PI4K2B: variants seen among roughly 807,000 people sequenced by gnomAD.
PI4K2B encodes the protein phosphatidylinositol 4-kinase type 2 beta, also known as phosphatidylinositol 4-kinase type 2-beta.
In PI4K2B, 46 loss-of-function variants were observed where a neutral mutation model predicts 56.6. That is an observed-to-expected ratio of 0.81 (90% CI 0.64 to 1.04). PI4K2B has a LOEUF of 1.04. PI4K2B is among the 50% of genes least tolerant of loss of function. The pLI is 0.00. For synonymous variants in PI4K2B, 211 were observed against 223.8 expected, an observed-to-expected ratio of 0.94 and a Z score of 0.51; for missense variants, 556 against 607.7, an observed-to-expected ratio of 0.91 and a Z score of 0.89.
intron 9 of PI4K2B, chr4:25,276,586 A>G (rs1717103799): frequency 3.4e-6 from 3 of 870,610 alleles, no homozygotes; most frequent in Non-Finnish European, 4.1e-6. Context: ...CGCACATAGT[A>G]GGCATACAAT....
intron 9 of PI4K2B, among the ~76,000 whole-genome samples, chr4:25,270,923 C>T (rs1299710789): frequency 6.6e-6 from 1 of 152,096 alleles, no homozygotes; most frequent in African/African-American, 2.4e-5. Flanking sequence ...AGTACAAGTC[C>T]ATATAATTAC....
intron 5 of PI4K2B, among the ~76,000 whole-genome samples, chr4:25,260,314 C>T (rs955133427): frequency 4.6e-5 from 7 of 150,546 alleles, no homozygotes; most frequent in Non-Finnish European, 7.4e-5. Context: ...AAAACAATGT[C>T]GGCCCAGAGA....
rs752170700 is a variant in PI4K2B at position 25,234,382 on chromosome 4, C to T, written c.219C>T (p.Val73=). ...ELPLPPGDVG[V]SRSSSAELDR... ...CCCTCCCGCCCGGGGACGTGGGGGT[C>T]TCCCGGAGTTCGTCCGCCGAGCTGG... The change falls in exon 1 of 10, where the codon GTC becomes GTT. Residue 73 remains valine (V), a synonymous_variant. Transcript: ENST00000264864. 39 of 1,402,158 alleles carry T rather than the reference C, an allele frequency of 2.8e-5. No individual in the cohort carries two copies. In the Admixed American group the frequency reaches 1.0e-3, roughly 37 times the overall value. The allele number at this position is 1,402,158 out of a possible 1,614,324, so 86.9% of individuals were successfully genotyped here.
At chr4:25,258,246 C>T (rs1159522530) in intron 4 of PI4K2B, among the ~76,000 whole-genome samples, 7 of 122,020 alleles carry the variant, frequency 5.7e-5, no homozygotes, top group African/African-American at 1.2e-4. Context: ...CTCGCTGTGT[C>T]GCCTAGGTTG....
At chr4:25,271,250 T>C (rs1233358778) in intron 9 of PI4K2B, among the ~76,000 whole-genome samples, 1 of 152,162 alleles carries the variant, frequency 6.6e-6, no homozygotes, top group Non-Finnish European at 1.5e-5. Context: ...AAGGAAAGGA[T>C]TGGAGCAGTT....
intron 1 of PI4K2B, among the ~76,000 whole-genome samples, chr4:25,238,476 A>T (rs1715361776): frequency 6.6e-6 from 1 of 152,198 alleles, no homozygotes; most frequent in Non-Finnish European, 1.5e-5. Flanking sequence ...GACTTCAAGA[A>T]TGAAGCCATG....
chr4:25,253,085 G>C (rs1341379936), intron 2 of PI4K2B, among the ~76,000 whole-genome samples: 1 of 152,234 alleles, frequency 6.6e-6, no homozygotes, highest in Non-Finnish European at 1.5e-5. Context: ...TCTTATGGAA[G>C]TCTATAACCT....
chr4:25,261,009 G>A (rs977146697), intron 6 of PI4K2B, among the ~76,000 whole-genome samples: 1 of 151,324 alleles, frequency 6.6e-6, no homozygotes, highest in Non-Finnish European at 1.5e-5. Flanking sequence ...CACCCAGCCA[G>A]TTCTGTTTTT....
rs1003319393 is a variant in PI4K2B at position 25,234,045 on chromosome 4, G to T, written c.-119G>T. ...CTGGGCGGGCGCCAAGCGTGCCCGT[G>T]CGCTGGTGAGGTGGCGTCCGTTCTA... On this transcript the variant is annotated 5_prime_UTR_variant, in exon 1 of 10. Coordinates refer to ENST00000264864, the MANE Select transcript of PI4K2B (RefSeq NM_018323.4). The T allele has an allele frequency of 4.5e-5, 40 of 891,050 alleles. No individual in the cohort carries two copies. The highest frequency in any genetic ancestry group is 3.7e-4 in the East Asian group (11 of 30,042). The allele number at this position is 891,050 out of a possible 1,614,324, so 55.2% of individuals were successfully genotyped here.
rs553664929 is a variant in PI4K2B at position 25,265,472 on chromosome 4, T to C, written c.1078+1623T>C. 7.9e-5 allele frequency among the ~76,000 whole-genome samples: 12 copies of C among 152,334 alleles called. No individual in the cohort carries two copies. In the South Asian group the frequency reaches 1.4e-3, roughly 18 times the overall value. ...TCCTATTATGTTCATGCTATATCGC[T>C]TTCCTATAAATGCATATTAGGCCTC... On this transcript the variant is annotated intron_variant, in intron 7 of 9. Coordinates refer to ENST00000264864, the MANE Select transcript of PI4K2B (RefSeq NM_018323.4).
At chr4:25,239,589 A>G (rs1170523554) in intron 1 of PI4K2B, among the ~76,000 whole-genome samples, 2 of 152,036 alleles carry the variant, frequency 1.3e-5, no homozygotes, top group African/African-American at 4.8e-5. Context: ...GCCACACGCA[A>G]CCCCAGTTCC....
intron 6 of PI4K2B, among the ~76,000 whole-genome samples, chr4:25,262,292 G>A (rs558940468): frequency 6.6e-6 from 1 of 152,264 alleles, no homozygotes; most frequent in African/African-American, 2.4e-5. Context: ...AGTGAGTTGT[G>A]GTTGTGCCTC....
intron 7 of PI4K2B, among the ~76,000 whole-genome samples, chr4:25,265,198 C>CAAAAAAAAAAAAAAAAAAAAAAAAA (rs71188933): frequency 3.1e-5 from 2 of 65,408 alleles, no homozygotes; most frequent in Non-Finnish European, 5.1e-5. Flanking sequence ...TCTGTCTCAC[C>CAAAAAAAAAAAAAAAAAAAAAAAAA]AAAAAAAAAA....
intron 1 of PI4K2B, among the ~76,000 whole-genome samples, chr4:25,246,836 C>T (rs1272932141): frequency 5.3e-5 from 8 of 152,220 alleles, no homozygotes; most frequent in African/African-American, 1.9e-4. Context: ...CCAGCAGCAC[C>T]CTCTGCAGCT....
chr4:25,262,210 A>G (rs1175199402), intron 6 of PI4K2B, among the ~76,000 whole-genome samples: 4 of 152,162 alleles, frequency 2.6e-5, no homozygotes, highest in Non-Finnish European at 4.4e-5. Context: ...ACATGGTGGC[A>G]GGCACCTGTG....
At chr4:25,264,170 G>A (rs186965946) in intron 7 of PI4K2B, among the ~76,000 whole-genome samples, 10 of 152,060 alleles carry the variant, frequency 6.6e-5, no homozygotes, top group Non-Finnish European at 7.4e-5. Context: ...TACGTTTTTC[G>A]TTGTATTCAC....
chr4:25,257,149 G>C (rs574742032), intron 4 of PI4K2B, among the ~76,000 whole-genome samples: 1 of 151,440 alleles, frequency 6.6e-6, no homozygotes, highest in Admixed American at 6.6e-5. Flanking sequence ...CCTCGACCTC[G>C]TGGGCTCAGA....
At chr4:25,257,145 C>G (rs1302892766) in intron 4 of PI4K2B, among the ~76,000 whole-genome samples, 1 of 151,614 alleles carries the variant, frequency 6.6e-6, no homozygotes, top group African/African-American at 2.4e-5. Flanking sequence ...GCAGCCTCGA[C>G]CTCGTGGGCT....
intron 1 of PI4K2B, among the ~76,000 whole-genome samples, chr4:25,244,201 C>G (rs144629176): frequency 0.042 from 6,425 of 152,240 alleles, 188 homozygotes; most frequent in East Asian, 0.15. Flanking sequence ...TTCCCCTCCC[C>G]CTACAGCTTG....
Sources: allele counts gnomAD v4.1 joint callset (sites outside exome capture counted in the v4.1 genomes callset), GRCh38; gene constraint gnomAD v4.1.1; transcripts MANE v1.5; gene names NCBI Gene and HGNC (gene_info 2026-07-23, HGNC 2026-07-21).